KIAA1958: variants seen among roughly 807,000 people sequenced by gnomAD.
The protein encoded by KIAA1958 is uncharacterized protein KIAA1958.
KIAA1958 carries 14 observed loss-of-function variants against 47.2 expected under a neutral mutation model. The ratio of observed to expected loss-of-function variants is 0.30; its 90% CI spans 0.20 to 0.46. KIAA1958 has a LOEUF of 0.46. KIAA1958 is among the 20% of genes least tolerant of loss of function. KIAA1958 has a pLI of 1.00. For missense variants in KIAA1958, 803 were observed against 909.2 expected (o/e 0.88, Z 1.50); for synonymous variants, 354 against 353.3 (o/e 1.00, Z -0.02).
chr9:112,580,265 TG>T lies in KIAA1958; in HGVS notation c.1171+5015del, dbSNP rs532818194. Among the ~76,000 whole-genome samples the T allele has an allele frequency of 5.3e-5, 8 of 152,276 alleles. No individual in the cohort carries two copies. In the South Asian group the frequency reaches 1.5e-3, roughly 28 times the overall value. ...TTCCTACTACTGTTTATGGGAGGTTTGTTTTGTTTTCTTTTGAGCATTTAGT... is the reference window on the plus strand; with the variant it reads ...TTCCTACTACTGTTTATGGGAGGTTTTTTTGTTTTCTTTTGAGCATTTAGT... On this transcript the variant is annotated intron_variant, in intron 2 of 3. Coordinates refer to ENST00000337530, the MANE Select transcript of KIAA1958 (RefSeq NM_133465.4).
intron 1 of KIAA1958, among the ~76,000 whole-genome samples, chr9:112,565,078 ACCTAAT>A (rs1192992517): frequency 6.6e-6 from 1 of 152,198 alleles, no homozygotes; most frequent in Non-Finnish European, 1.5e-5. Flanking sequence ...TTCTACTGAA[ACCTAAT>A]GATTAATTTT....
At chr9:112,649,254 C>T (rs1837022436) in intron 3 of KIAA1958, among the ~76,000 whole-genome samples, 1 of 151,994 alleles carries the variant, frequency 6.6e-6, no homozygotes, top group Admixed American at 6.6e-5. Flanking sequence ...ATCTCCTGGG[C>T]TCAAGTGGTC....
At chr9:112,656,224 A>G (rs1019464265) in intron 3 of KIAA1958, among the ~76,000 whole-genome samples, 15 of 152,056 alleles carry the variant, frequency 9.9e-5, no homozygotes, top group African/African-American at 3.4e-4. Context: ...AAATACAAAA[A>G]TTAGCCGGGT....
At chr9:112,654,576 T>C (rs1038429386) in intron 3 of KIAA1958, among the ~76,000 whole-genome samples, 1 of 151,770 alleles carries the variant, frequency 6.6e-6, no homozygotes, top group Non-Finnish European at 1.5e-5. Flanking sequence ...CGTTCTGATA[T>C]CCCTCTCTGC....
intron 1 of KIAA1958, among the ~76,000 whole-genome samples, chr9:112,524,423 G>T (rs1287535617): frequency 6.6e-6 from 1 of 152,224 alleles, no homozygotes; most frequent in Non-Finnish European, 1.5e-5. Flanking sequence ...AAAATATGGA[G>T]CGACTGTGAC....
intron 1 of KIAA1958, among the ~76,000 whole-genome samples, chr9:112,490,369 A>G (rs1344076191): frequency 1.3e-5 from 2 of 152,208 alleles, no homozygotes; most frequent in Non-Finnish European, 2.9e-5. Flanking sequence ...TCCTTTAAAA[A>G]AAGTTTCCAT....
intron 2 of KIAA1958, among the ~76,000 whole-genome samples, chr9:112,607,386 TGAGA>T (rs941931427): frequency 2.0e-5 from 3 of 150,932 alleles, no homozygotes; most frequent in Non-Finnish European, 3.0e-5. Flanking sequence ...CAGATGGAAG[TGAGA>T]GAGAGACCTC....
At chr9:112,545,970 A>G (rs1440672896) in intron 1 of KIAA1958, among the ~76,000 whole-genome samples, 1 of 151,754 alleles carries the variant, frequency 6.6e-6, no homozygotes, top group Non-Finnish European at 1.5e-5. Flanking sequence ...ATCTTAAGGC[A>G]TTTTAGAGCA....
chr9:112,528,808 C>T (rs570609680), intron 1 of KIAA1958, among the ~76,000 whole-genome samples: 3 of 152,292 alleles, frequency 2.0e-5, no homozygotes, highest in South Asian at 4.1e-4. Flanking sequence ...TGTGAGCTAC[C>T]GCACTCGGCC....
intron 1 of KIAA1958, among the ~76,000 whole-genome samples, chr9:112,531,121 G>A (rs1254294501): frequency 6.6e-6 from 1 of 152,196 alleles, no homozygotes; most frequent in Non-Finnish European, 1.5e-5. Context: ...AGGCGCTGTG[G>A]CTCACGCCTG....
At chr9:112,613,305 AT>A (rs1323688050) in intron 2 of KIAA1958, among the ~76,000 whole-genome samples, 1 of 152,174 alleles carries the variant, frequency 6.6e-6, no homozygotes, top group Non-Finnish European at 1.5e-5. Flanking sequence ...ATAGGTGGAT[AT>A]TTTGGTAAAT....
At chr9:112,495,040 T>A (rs894958140) in intron 1 of KIAA1958, among the ~76,000 whole-genome samples, 9 of 152,030 alleles carry the variant, frequency 5.9e-5, no homozygotes, top group Non-Finnish European at 1.2e-4. Context: ...CACCTCAGCT[T>A]CCCAAGTAGC....
chr9:112,592,149 T>C (rs956864686), intron 2 of KIAA1958, among the ~76,000 whole-genome samples: 4 of 152,132 alleles, frequency 2.6e-5, no homozygotes, highest in African/African-American at 9.7e-5. Context: ...GTGATCGGAA[T>C]GAGGGTGGAG....
chr9:112,659,422 A>C lies in KIAA1958; in HGVS notation c.1504A>C (p.Thr502Pro). The change falls in exon 4 of 4, where the codon ACC becomes CCC. Residue 502 changes from threonine to proline, a missense_variant. Physicochemically the swap from Thr to Pro is conservative, Grantham distance 38 (BLOSUM62 -1). Coordinates refer to ENST00000337530, the MANE Select transcript of KIAA1958 (RefSeq NM_133465.4). ...TGTCGGCTTTTCCATCACCAGCAGC[A>C]CCTTCAGCTCCTCCACCAAGAAACT... ...AGVGFSITSS[T>P]FSSSTKKLKE... The C allele has an allele frequency of 6.2e-7, 1 of 1,614,132 alleles. No individual in the cohort carries two copies. Among genetic ancestry groups the C allele is most frequent in the South Asian group, 1.1e-5 (1 of 91,070 alleles).
At chr9:112,512,452 T>A (rs1398647749) in intron 1 of KIAA1958, among the ~76,000 whole-genome samples, 1 of 152,148 alleles carries the variant, frequency 6.6e-6, no homozygotes, top group Non-Finnish European at 1.5e-5. Context: ...AAACATTTAT[T>A]CCTGATTAAA....
intron 1 of KIAA1958, among the ~76,000 whole-genome samples, chr9:112,536,910 T>C (rs1834864276): frequency 6.6e-6 from 1 of 151,834 alleles, no homozygotes. Flanking sequence ...ATGCCTACCT[T>C]GGGAGCAGGA....
chr9:112,501,793 C>T (rs1834145156), intron 1 of KIAA1958, among the ~76,000 whole-genome samples: 1 of 152,130 alleles, frequency 6.6e-6, no homozygotes, highest in Non-Finnish European at 1.5e-5. Context: ...AGCATGGGGG[C>T]TCACATGGAG....
intron 1 of KIAA1958, among the ~76,000 whole-genome samples, chr9:112,535,815 G>T (rs1157585337): frequency 7.3e-5 from 11 of 151,428 alleles, no homozygotes; most frequent in Admixed American, 5.3e-4. Context: ...GTTTTAATTT[G>T]CACTTTCCTG....
In KIAA1958 at chr9:112,532,394, G is replaced by A. The variant is rs569358600; in HGVS notation, c.-24-41663G>A. ...GATACATTCAAAGGGACTTCTTTTT[G>A]TCCTTAAACCAGAGGAAAACTCTTT... is the stretch of plus-strand genomic sequence containing the variant. On this transcript the variant is annotated intron_variant, in intron 1 of 3. Transcript: ENST00000337530. Among the ~76,000 whole-genome samples, 142 of 152,090 alleles carry A rather than the reference G, an allele frequency of 9.3e-4. 1 individual carries two copies. Among genetic ancestry groups the A allele is most frequent in the African/African-American group, 3.2e-3 (131 of 41,496 alleles).
Sources: gnomAD v4.1 joint callset for allele counts (sites outside exome capture counted in the v4.1 genomes callset) on GRCh38, gnomAD v4.1.1 for gene constraint, MANE v1.5 for transcripts, NCBI Gene and HGNC (gene_info 2026-07-23, HGNC 2026-07-21) for gene names.